DPP7: variants seen among roughly 807,000 people sequenced by gnomAD.
DPP7 encodes the protein dipeptidyl peptidase 7.
DPP7 carries 74 observed loss-of-function variants against 58.8 expected under a neutral mutation model. That is an observed-to-expected ratio of 1.26 (90% CI 1.04 to 1.53). The LOEUF is 1.53. DPP7 is among the 40% of genes most tolerant of loss of function. The pLI is 0.00. For missense variants in DPP7, 807 were observed against 692.3 expected (o/e 1.17, Z -1.86); for synonymous variants, 350 against 303.6 (o/e 1.15, Z -1.59).
At chr9:137,114,604 G>T (rs1831567874) in intron 1 of DPP7, 28 bp from the exon 2 acceptor site, 5 of 1,467,258 alleles carry the variant, frequency 3.4e-6, no homozygotes, top group East Asian at 5.7e-5. Context: ...CCTCAGAGGC[G>T]GGGCCGGGAC....
Position 137,113,920 on chromosome 9 carries a change from C to G in DPP7, c.430G>C (p.Ala144Pro). 1 of 1,578,254 alleles carries G rather than the reference C, an allele frequency of 6.3e-7. No homozygotes were observed. Among genetic ancestry groups the G allele is most frequent in the Non-Finnish European group, 8.6e-7 (1 of 1,168,246 alleles). ...ALADFAELLR[A>P]LRRDLGAQDA... ...TGGGCCCCGAGGTCGCGTCGTAGCG[C>G]GCGGAGCAGCTCTGCGAAGTCGGCC... The change falls in exon 4 of 13, where the codon GCG (alanine) becomes CCG (proline). Residue 144 changes from alanine (A) to proline (P), a missense_variant. By Grantham distance (27) the Ala-to-Pro change is conservative. This residue lies in a region of DPP7 where 624 missense variants were observed against 531.2 expected (regional missense o/e 1.17). Transcript: ENST00000371579.
chr9:137,116,781 T>C (rs1020694870), upstream of DPP7, among the ~76,000 whole-genome samples: 2 of 152,176 alleles, frequency 1.3e-5, no homozygotes, highest in African/African-American at 4.8e-5. Context: ...TGTCTCCGTG[T>C]AAAACCCGAT....
upstream of DPP7, among the ~76,000 whole-genome samples, chr9:137,116,033 G>A (rs1183263060): frequency 1.3e-5 from 2 of 152,182 alleles, no homozygotes; most frequent in Non-Finnish European, 1.5e-5. Context: ...CTCTGGAGAC[G>A]CCAGCTAGGC....
At chr9:137,117,320 G>C (rs977243772), upstream of DPP7, among the ~76,000 whole-genome samples, 2 of 152,220 alleles carry the variant, frequency 1.3e-5, no homozygotes, top group African/African-American at 4.8e-5. Context: ...CCTGTGCAGG[G>C]CACAGTAGGT....
chr9:137,116,377 C>T (rs1831638451), upstream of DPP7, among the ~76,000 whole-genome samples: 3 of 152,360 alleles, frequency 2.0e-5, no homozygotes, highest in South Asian at 6.2e-4. Flanking sequence ...AACCTGTAAC[C>T]TTAGCCCCAT....
chr9:137,114,542 G>C lies in DPP7; in HGVS notation c.102C>G (p.Arg34=). The C allele has an allele frequency of 1.9e-6, 3 of 1,570,490 alleles. No homozygotes were observed. The South Asian group carries it at 3.5e-5, about 18-fold the overall frequency. ...RRAPDPGFQE[R]FFQQRLDHFN... is the part of the protein sequence containing the mutation. ...AGTGGTCCAGACGCTGCTGGAAGAAGCGCTCCTGGAAGCCGGGGTCCGGGG... is the reference window on the plus strand; with the variant it reads ...AGTGGTCCAGACGCTGCTGGAAGAACCGCTCCTGGAAGCCGGGGTCCGGGG... Residue 34 remains arginine (R), a synonymous_variant, in exon 2 of 13, where the codon CGC becomes CGG. Transcript: ENST00000371579.
intron 4 of DPP7, 66 bp from the exon 5 acceptor site, chr9:137,113,562 G>T: frequency 6.7e-7 from 1 of 1,495,446 alleles, no homozygotes. Context: ...TCCTCCTCAG[G>T]GGCCCACAGG....
rs371957757 is a variant in DPP7, at chr9:137,112,730, C to T, written c.931+15G>A. ...GGTCTCCACACTTGCCCATCTGGGG[C>T]CGGGGGAAGGGCACCTGCCAGTGCT... On this transcript the variant is annotated intron_variant, in intron 8 of 12. Transcript: ENST00000371579. 577 of 1,592,202 alleles carry T rather than the reference C, an allele frequency of 3.6e-4. 1 individual carries two copies. Among genetic ancestry groups the T allele is most frequent in the Admixed American group, 3.0e-4 (17 of 57,526 alleles).
Position 137,113,851 on chromosome 9 carries a change from G to T in DPP7, c.485+14C>A, listed in dbSNP as rs1360796049. 6.7e-7 allele frequency: 1 copy of T among 1,502,870 alleles called. No individual in the cohort carries two copies. Among genetic ancestry groups the T allele is most frequent in the Non-Finnish European group, 8.9e-7 (1 of 1,126,508 alleles). 93.1% of individuals were successfully genotyped at this position (1,502,870 alleles called of 1,614,324 possible). On this transcript the variant is annotated intron_variant, in intron 4 of 12. Transcript: ENST00000371579. ...GGGGAGGGAGGGGGTGCGGAGGCCG[G>T]GGGAGGCGCCCACCTTCCACCGAAG...
intron 4 of DPP7, 53 bp downstream of exon 4, chr9:137,113,812 G>A: frequency 7.2e-7 from 1 of 1,395,482 alleles, no homozygotes; most frequent in Admixed American, 2.6e-5. Context: ...GGCTGGGGGC[G>A]CTGGGTCGGG....
At position 137,113,467 on chromosome 9, in the gene DPP7, C is replaced by T; in HGVS notation, c.515G>A (p.Arg172Lys). The change falls in exon 5 of 13, where the codon AGG becomes AAG. Residue 172 changes from arginine to lysine, a missense_variant. This residue lies in a region of DPP7 where 624 missense variants were observed against 531.2 expected (regional missense o/e 1.17). Transcript: ENST00000371579. The stretch of plus-strand genomic sequence containing the variant: ...CGCCACCAGGTGGGGATACTTCATC[C>T]TCAGGTAGGCACTGAGCATCCCCCC... ...SYGGMLSAYL[R>K]MKYPHLVAGA... 1 of 1,598,108 alleles carries T rather than the reference C, an allele frequency of 6.3e-7. No homozygotes were observed. The highest frequency in any genetic ancestry group is 8.5e-7 in the Non-Finnish European group (1 of 1,170,942).
intron 8 of DPP7, 26 bp from the exon 9 acceptor site, chr9:137,112,256 A>G: frequency 6.3e-7 from 1 of 1,577,402 alleles, no homozygotes; most frequent in Non-Finnish European, 8.6e-7. Context: ...GCTGGGGCCC[A>G]GCGGCCACAC....
Position 137,112,146 on chromosome 9 carries a change from C to G in DPP7, c.1016G>C (p.Gly339Ala). 1 of 1,610,394 alleles carries G rather than the reference C, an allele frequency of 6.2e-7. No individual in the cohort carries two copies. Among genetic ancestry groups the G allele is most frequent in the Non-Finnish European group, 8.5e-7 (1 of 1,179,706 alleles). ...YHSCADPTGC[G>A]TGPDARAWDY... ...CCAGGCCCTGGCGTCGGGGCCGGTG[C>G]CGCAGCCAGTGGGGTCAGCACAGCT... Residue 339 changes from glycine to alanine, a missense_variant, in exon 9 of 13, where the codon GGC (glycine) becomes GCC (alanine). This residue lies in a region of DPP7 where 624 missense variants were observed against 531.2 expected (regional missense o/e 1.17). Coordinates refer to ENST00000371579, the MANE Select transcript of DPP7 (RefSeq NM_013379.3).
intron 5 of DPP7, 26 bp downstream of exon 5, chr9:137,113,335 C>T: frequency 6.2e-7 from 1 of 1,612,790 alleles, no homozygotes; most frequent in Non-Finnish European, 8.5e-7. Context: ...CCTTAGGGGG[C>T]CTGGAGGACC....
chr9:137,118,269 T>G (rs1831673527), upstream of DPP7, among the ~76,000 whole-genome samples: 1 of 150,394 alleles, frequency 6.6e-6, no homozygotes, highest in South Asian at 2.1e-4. Context: ...ATTACAGGCG[T>G]GAGCCACCAC....
In DPP7 at chr9:137,114,465, G is replaced by C. The variant is rs1220836931; in HGVS notation, c.179C>G (p.Ser60Trp). ...CCGGGCCGGGGCCGGGGTCTCACCC[G>C]ACACCAGGAAGCGCTGAGGGAAGGT... ...NKTFPQRFLVSDRFWVRGEGP... is the reference protein window; with the variant it reads ...NKTFPQRFLVWDRFWVRGEGP... The change falls in exon 2 of 13, where the codon TCG becomes TGG. Residue 60 changes from serine to tryptophan, a missense_variant and splice_region_variant. Transcript: ENST00000371579. 7.7e-6 allele frequency: 12 copies of C among 1,567,630 alleles called. No individual in the cohort carries two copies. The highest frequency in any genetic ancestry group is 9.5e-6 in the Non-Finnish European group (11 of 1,156,808).
rs558206265 is a variant in DPP7 at position 137,114,232 on chromosome 9, C to T, written c.321+11G>A. On this transcript the variant is annotated intron_variant, in intron 3 of 12. Transcript: ENST00000371579. The stretch of plus-strand genomic sequence containing the variant: ...CCCGCGACCCCGCCCGCGACCCCGC[C>T]CGGCACCCACGTGCTCCGCGAAGAC... 1 of 1,512,148 alleles carries T rather than the reference C, an allele frequency of 6.6e-7. No homozygotes were observed. The highest frequency in any genetic ancestry group is 2.8e-5 in the East Asian group (1 of 36,118). The allele number at this position is 1,512,148 out of a possible 1,614,324, so 93.7% of individuals were successfully genotyped here.
Position 137,113,208 on chromosome 9 carries a change from C to T in DPP7, c.701G>A (p.Gly234Glu), listed in dbSNP as rs145702438. 4.3e-6 allele frequency: 7 copies of T among 1,613,504 alleles called. 1 individual carries two copies. The African/African-American group carries it at 9.3e-5, about 22-fold the overall frequency. Residue 234 changes from glycine to glutamate, a missense_variant and splice_region_variant, in exon 6 of 13, where the codon GGA becomes GAA. Gly to Glu is a moderately conservative substitution (Grantham distance 98). Transcript: ENST00000371579. The part of the protein sequence containing the change: ...FRQIKDLFLQ[G>E]AYDTVRWEFG... ...GGGAGGCGGTGGGAGGACCTCACCT[C>T]CCTGTAGGAACAAGTCCTTGATCTG...
upstream of DPP7, among the ~76,000 whole-genome samples, chr9:137,115,582 TC>T (rs1831611048): frequency 6.6e-6 from 1 of 152,078 alleles, no homozygotes; most frequent in African/African-American, 2.4e-5. Flanking sequence ...CCTGTCCTTC[TC>T]CCAAGACTAC....
Sources: gnomAD v4.1 joint callset for allele counts (sites outside exome capture counted in the v4.1 genomes callset) on GRCh38, gnomAD v4.1.1 for gene constraint, gnomAD v4.1.1 regional missense constraint, MANE v1.5 for transcripts, NCBI Gene and HGNC (gene_info 2026-07-23, HGNC 2026-07-21) for gene names.